Variants in PVT1 observed in about 807,000 individuals in gnomAD.
The protein encoded by PVT1 is Pvt1 oncogene, also known as CXCR4/PVT1 fusion.
intron 2 of PVT1, among the ~76,000 whole-genome samples, chr8:127,883,319 C>G (rs1480001074): frequency 1.3e-5 from 2 of 152,150 alleles, no homozygotes; most frequent in East Asian, 3.9e-4. Context: ...ATCCATCTGC[C>G]CGTCCTATAT....
intron 2 of PVT1, among the ~76,000 whole-genome samples, chr8:127,827,759 G>C (rs1375910766): frequency 6.6e-6 from 1 of 152,120 alleles, no homozygotes; most frequent in East Asian, 1.9e-4. Flanking sequence ...CATGAGTCTT[G>C]AGTTGAGTTC....
chr8:128,093,359 A>C (rs996354202), intron 5 of PVT1, among the ~76,000 whole-genome samples: 1 of 152,090 alleles, frequency 6.6e-6, no homozygotes, highest in South Asian at 2.1e-4. Context: ...GGAGTTCGAG[A>C]CCAGCCTGGC....
chr8:127,994,276 A>G (rs1817078410), intron 4 of PVT1, among the ~76,000 whole-genome samples: 1 of 151,914 alleles, frequency 6.6e-6, no homozygotes, highest in South Asian at 2.1e-4. Flanking sequence ...TGTGTTTGGG[A>G]TCTCGCCTGG....
chr8:128,076,142 G>T (rs181468814), intron 5 of PVT1, among the ~76,000 whole-genome samples: 11 of 152,276 alleles, frequency 7.2e-5, no homozygotes, highest in Middle Eastern at 3.4e-3. Context: ...CAGTGATCTG[G>T]TGTCTGCTCT....
chr8:128,018,475 G>A (rs957948289), intron 4 of PVT1, among the ~76,000 whole-genome samples: 7 of 152,226 alleles, frequency 4.6e-5, no homozygotes, highest in African/African-American at 1.4e-4. Context: ...ACCACTATGT[G>A]TAATGCCATT....
At position 128,025,951 on chromosome 8, in the gene PVT1, C is replaced by CT. The variant is rs59269842; in HGVS notation, n.912+36673dup. Among the ~76,000 whole-genome samples the CT allele has an allele frequency of 1.6e-3, 231 of 143,310 alleles. 2 individuals are homozygous for CT. The highest frequency in any genetic ancestry group is 1.6e-3 in the Non-Finnish European group (104 of 65,856). The allele number at this position is 143,310 out of a possible 152,430, so 94.0% of individuals were successfully genotyped here. On this transcript the variant is annotated intron_variant and non_coding_transcript_variant, in intron 4 of 10. Coordinates refer to ENST00000651587, the Ensembl canonical transcript of PVT1. ...ATCTTCCTTATGAGAATCCAGCCTC[C>CT]TTTTTTTTTTTTTCTTTTGAGACAG...
intron 4 of PVT1, among the ~76,000 whole-genome samples, chr8:128,050,161 T>G (rs1030175796): frequency 1.3e-5 from 2 of 152,202 alleles, no homozygotes; most frequent in African/African-American, 4.8e-5. Flanking sequence ...TCCCTCTCCC[T>G]GGACCCATTC....
chr8:128,014,087 G>A (rs528882911), intron 4 of PVT1, among the ~76,000 whole-genome samples: 56 of 152,272 alleles, frequency 3.7e-4, no homozygotes, highest in Non-Finnish European at 4.6e-4. Flanking sequence ...CAATAAACAT[G>A]TATGGGCCTG....
rs1044787643 is a variant in PVT1 at position 127,898,534 on chromosome 8, G to A, written n.782+7536G>A. 1.1e-4 allele frequency among the ~76,000 whole-genome samples: 16 copies of A among 152,182 alleles called. No homozygotes were observed. The East Asian group carries it at 1.2e-3, about 11-fold the overall frequency. On this transcript the variant is annotated intron_variant and non_coding_transcript_variant, in intron 3 of 10. Transcript: ENST00000651587. This position sits in a 1 kb window ranked among gnomAD's most constrained non-coding sequence, Gnocchi z 4.4. ...GGGAAGCGCCTTTGCTTATCATGCT[G>A]GAGACCAGACTGAGGCAGTGAAGTC...
intron 4 of PVT1, among the ~76,000 whole-genome samples, chr8:128,004,737 A>G (rs1373809579): frequency 1.3e-5 from 2 of 152,248 alleles, no homozygotes; most frequent in Non-Finnish European, 2.9e-5. Flanking sequence ...GCAGCCCTGA[A>G]CAAGTTACTT....
intron 3 of PVT1, among the ~76,000 whole-genome samples, chr8:127,980,796 T>C (rs1257099654): frequency 2.0e-5 from 3 of 149,890 alleles, no homozygotes; most frequent in Non-Finnish European, 4.5e-5. Flanking sequence ...AGCTTCTTTT[T>C]TTTTTTTTTT....
chr8:128,068,180 A>G lies in PVT1; in HGVS notation n.913-1980A>G, dbSNP rs566639280. ...TTTTTTCTGTTTTGCAGTTTTTTAC[A>G]CAAACATTTTCATTTGTTGTTCCTG... is the stretch of plus-strand genomic sequence containing the variant. On this transcript the variant is annotated intron_variant and non_coding_transcript_variant, in intron 4 of 10. Coordinates refer to ENST00000651587, the Ensembl canonical transcript of PVT1. Among the ~76,000 whole-genome samples the G allele has an allele frequency of 3.9e-4, 59 of 151,816 alleles. No homozygotes were observed. In the Middle Eastern group the frequency reaches 0.017, roughly 44 times the overall value.
chr8:127,850,983 G>T (rs1815101136), intron 2 of PVT1, among the ~76,000 whole-genome samples: 1 of 150,948 alleles, frequency 6.6e-6, no homozygotes, highest in African/African-American at 2.5e-5. Context: ...CTCCACTTTG[G>T]GTGATAGAGG....
chr8:127,837,366 A>G (rs566044767), intron 2 of PVT1, among the ~76,000 whole-genome samples: 1 of 150,094 alleles, frequency 6.7e-6, no homozygotes, highest in Non-Finnish European at 1.5e-5. Flanking sequence ...TGCCACTGGC[A>G]TTGTATCACT....
At chr8:128,067,881 C>T (rs1332090111) in intron 4 of PVT1, among the ~76,000 whole-genome samples, 1 of 151,744 alleles carries the variant, frequency 6.6e-6, no homozygotes, top group Non-Finnish European at 1.5e-5. Flanking sequence ...TCTTCATGTC[C>T]TTATTTCATT....
At chr8:127,855,057 A>T (rs1037946864) in intron 2 of PVT1, 2 of 397,378 alleles carry the variant, frequency 5.0e-6, no homozygotes, top group Admixed American at 8.8e-5. Context: ...GACCTGTCTG[A>T]CTCAGTTTAC....
At chr8:127,982,093 G>A (rs75811840) in intron 3 of PVT1, among the ~76,000 whole-genome samples, 17 of 152,212 alleles carry the variant, frequency 1.1e-4, no homozygotes, top group Middle Eastern at 6.8e-3. Flanking sequence ...ATTCTGTGAC[G>A]TGGTTTCTTG....
At chr8:127,896,626 T>G (rs995646190) in intron 3 of PVT1, among the ~76,000 whole-genome samples, 5 of 151,710 alleles carry the variant, frequency 3.3e-5, no homozygotes, top group South Asian at 2.1e-4. Flanking sequence ...ATGTATGTAT[T>G]TATTTTATTT....
At chr8:128,051,708 T>C (rs1184460292) in intron 4 of PVT1, among the ~76,000 whole-genome samples, 3 of 152,194 alleles carry the variant, frequency 2.0e-5, no homozygotes, top group Non-Finnish European at 2.9e-5. Context: ...TTCTGGTCGA[T>C]CAAGTCTGCT....
Sources: gnomAD v4.1 joint callset for allele counts (sites outside exome capture counted in the v4.1 genomes callset) on GRCh38, gnomAD v4.1.1 for gene constraint, Gnocchi (gnomAD v3.1) non-coding constraint, MANE v1.5 for transcripts, NCBI Gene and HGNC (gene_info 2026-07-23, HGNC 2026-07-21) for gene names.